MRPL22: variants seen among roughly 807,000 people sequenced by gnomAD.
MRPL22 encodes the protein large ribosomal subunit protein uL22m.
MRPL22 carries 27 observed loss-of-function variants against 32.4 expected under a neutral mutation model. The ratio of observed to expected loss-of-function variants is 0.83; its 90% CI spans 0.61 to 1.15. MRPL22 has a LOEUF of 1.15. Ranked by LOEUF, MRPL22 falls within the 50% of genes most tolerant of loss-of-function variation. The pLI, the probability that MRPL22 is intolerant of heterozygous loss-of-function variation, is 0.00. For synonymous variants in MRPL22, 86 were observed against 87.3 expected, an observed-to-expected ratio of 0.99 and a Z score of 0.08; for missense variants, 239 against 260.2, an observed-to-expected ratio of 0.92 and a Z score of 0.56.
chr5:154,944,779 C>G (rs1483005857), intron 2 of MRPL22, among the ~76,000 whole-genome samples: 1 of 152,142 alleles, frequency 6.6e-6, no homozygotes, highest in Non-Finnish European at 1.5e-5. Context: ...GGGAAGGCCT[C>G]ACTAAAAGAT....
chr5:154,945,943 G>A (rs1764484379), intron 2 of MRPL22, among the ~76,000 whole-genome samples: 1 of 152,124 alleles, frequency 6.6e-6, no homozygotes, highest in Non-Finnish European at 1.5e-5. Flanking sequence ...ACCCCATTTG[G>A]AATAATACTT....
intron 6 of MRPL22, 61 bp from the exon 7 acceptor site, chr5:154,966,625 C>G: frequency 6.4e-7 from 1 of 1,556,088 alleles, no homozygotes; most frequent in Non-Finnish European, 8.8e-7. Flanking sequence ...AGAAATTGCT[C>G]AGCTGATCAG....
chr5:154,964,361 A>G (rs961904964), intron 6 of MRPL22, among the ~76,000 whole-genome samples: 10 of 152,156 alleles, frequency 6.6e-5, no homozygotes, highest in African/African-American at 2.4e-4. Flanking sequence ...AGTGTTATAT[A>G]TATCAGGCTT....
chr5:154,941,161 G>C lies in MRPL22; in HGVS notation c.28+23G>C, dbSNP rs887409352. ...TGGGTAAGGATTTCTTAGTGGTTAA[G>C]CGACAGAAGGGAGTCGAGATGGAAT... On this transcript the variant is annotated intron_variant, in intron 1 of 6. Transcript: ENST00000523037. The C allele has an allele frequency of 1.2e-5, 19 of 1,614,048 alleles. 1 individual carries two copies. Among genetic ancestry groups the C allele is most frequent in the Admixed American group, 1.7e-5 (1 of 60,000 alleles).
At position 154,966,730 on chromosome 5, in the gene MRPL22, T is replaced by C. The variant is rs1475620765; in HGVS notation, c.454T>C (p.Tyr152His). The C allele has an allele frequency of 2.5e-6, 4 of 1,614,102 alleles. No individual in the cohort carries two copies. The highest frequency in any genetic ancestry group is 3.4e-6 in the Non-Finnish European group (4 of 1,180,048). Reference sequence around the variant, plus strand: ...AGGCCAGTGCCTGAAACGCATCCGCTACCATGGCAGAGGTCGCTTTGGGAT... The same window carrying C: ...AGGCCAGTGCCTGAAACGCATCCGCCACCATGGCAGAGGTCGCTTTGGGAT... Reference protein sequence around the residue: ...GRGQCLKRIRYHGRGRFGIME... With the variant: ...GRGQCLKRIRHHGRGRFGIME... Residue 152 changes from tyrosine to histidine, a missense_variant, in exon 7 of 7, where the codon TAC (tyrosine) becomes CAC (histidine). Coordinates refer to ENST00000523037, the MANE Select transcript of MRPL22 (RefSeq NM_014180.4).
intron 3 of MRPL22, among the ~76,000 whole-genome samples, chr5:154,952,132 C>T (rs965153943): frequency 2.6e-5 from 4 of 152,228 alleles, no homozygotes; most frequent in African/African-American, 4.8e-5. Context: ...CCGCCTGCCT[C>T]GGCCTCCCAA....
chr5:154,952,095 A>G (rs994061920), intron 3 of MRPL22, among the ~76,000 whole-genome samples: 2 of 151,944 alleles, frequency 1.3e-5, no homozygotes, highest in Non-Finnish European at 2.9e-5. Context: ...GTTAGCCAGG[A>G]TGGTCTCGAT....
At chr5:154,947,046 A>C (rs1764501391) in intron 2 of MRPL22, among the ~76,000 whole-genome samples, 1 of 152,190 alleles carries the variant, frequency 6.6e-6, no homozygotes, top group South Asian at 2.1e-4. Context: ...ATCCATCAAC[A>C]GTATTAAGTA....
Position 154,956,318 on chromosome 5 carries a change from T to G in MRPL22, c.196-53T>G. On this transcript the variant is annotated intron_variant, in intron 3 of 6. Transcript: ENST00000523037. ...ATAACAGTATATGTTATTGTCATTT[T>G]GTGGTAAACCTGCTAACATTTTCTT... 4 of 1,277,616 alleles carry G rather than the reference T, an allele frequency of 3.1e-6. No individual in the cohort carries two copies. In the South Asian group the frequency reaches 4.9e-5, roughly 16 times the overall value. 79.1% of individuals were successfully genotyped at this position (1,277,616 alleles called of 1,614,324 possible). A position where few individuals can be genotyped will look rare whatever the true frequency, so the allele number is the denominator to read the frequency against.
chr5:154,942,806 G>A (rs1200466380), intron 2 of MRPL22, among the ~76,000 whole-genome samples: 1 of 152,110 alleles, frequency 6.6e-6, no homozygotes, highest in African/African-American at 2.4e-5. Context: ...ATTTATTGTT[G>A]TACCTCCAGC....
At chr5:154,960,822 T>C (rs1003013478) in intron 6 of MRPL22, among the ~76,000 whole-genome samples, 2 of 152,198 alleles carry the variant, frequency 1.3e-5, no homozygotes, top group Non-Finnish European at 2.9e-5. Flanking sequence ...TTTTTCTCAC[T>C]ACAGCAATTA....
chr5:154,965,196 G>A lies in MRPL22; in HGVS notation c.410-1490G>A, dbSNP rs538113863. On this transcript the variant is annotated intron_variant, in intron 6 of 6. Coordinates refer to ENST00000523037, the MANE Select transcript of MRPL22 (RefSeq NM_014180.4). ...GATATCGTAGTTAGAGAGTTGTCAA[G>A]TGCATACTTTGGTATAGTCCCTATA... Among the ~76,000 whole-genome samples the A allele has an allele frequency of 2.1e-4, 32 of 152,294 alleles. No homozygotes were observed. The Middle Eastern group carries it at 0.02, about 97-fold the overall frequency.
intron 5 of MRPL22, among the ~76,000 whole-genome samples, chr5:154,957,521 TTGTG>T (rs1374474727): frequency 6.6e-6 from 1 of 152,112 alleles, no homozygotes; most frequent in Non-Finnish European, 1.5e-5. Context: ...ATGTGTGTAT[TTGTG>T]TGTATGTATG....
intron 3 of MRPL22, among the ~76,000 whole-genome samples, chr5:154,951,248 A>G (rs17116638): frequency 0.11 from 16,998 of 152,242 alleles, 1,118 homozygotes; most frequent in African/African-American, 0.18. Flanking sequence ...AGTTGGCAAG[A>G]ATGACTTAAA....
rs1382383884 is a variant in MRPL22, at chr5:154,960,059, T to G, written c.409+10T>G. On this transcript the variant is annotated intron_variant, in intron 6 of 6. Transcript: ENST00000523037. ...TCCAATTTATATATAGGTAAGATTT[T>G]TAATATTCTTAGCATTAGAAAATGT... 2.5e-6 allele frequency: 4 copies of G among 1,568,884 alleles called. No homozygotes were observed. Among genetic ancestry groups the G allele is most frequent in the African/African-American group, 1.4e-5 (1 of 73,876 alleles).
At chr5:154,964,171 A>G (rs1764738490) in intron 6 of MRPL22, among the ~76,000 whole-genome samples, 1 of 152,170 alleles carries the variant, frequency 6.6e-6, no homozygotes, top group Non-Finnish European at 1.5e-5. Flanking sequence ...TAGTTTTGAA[A>G]TTGTGCTCTG....
chr5:154,954,336 G>A (rs1764604165), intron 3 of MRPL22, among the ~76,000 whole-genome samples: 1 of 152,068 alleles, frequency 6.6e-6, no homozygotes, highest in South Asian at 2.1e-4. Context: ...ATTATTATAT[G>A]CATTTAAAAA....
In MRPL22 at chr5:154,950,948, TGGGTAGAAC is replaced by T. The variant is rs763033098; in HGVS notation, c.195+11_195+19del. 34 of 1,505,740 alleles carry T rather than the reference TGGGTAGAAC, an allele frequency of 2.3e-5. No homozygotes were observed. Among genetic ancestry groups the T allele is most frequent in the Non-Finnish European group, 2.9e-5 (31 of 1,084,078 alleles). The allele number at this position is 1,505,740 out of a possible 1,614,324, so 93.3% of individuals were successfully genotyped here. A position where few individuals can be genotyped will look rare whatever the true frequency, so the allele number is the denominator to read the frequency against. On this transcript the variant is annotated intron_variant, in intron 3 of 6. Transcript: ENST00000523037. Reference sequence around the variant, plus strand: ...ACCTCGGAGACCAGCAGTAAGTTCGTGGGTAGAACTAATCTCTTAATTGTGGTAGTGCTC... The same window carrying T: ...ACCTCGGAGACCAGCAGTAAGTTCGTTAATCTCTTAATTGTGGTAGTGCTC...
In MRPL22 at chr5:154,967,976, G is replaced by A. The variant is rs1764791078; in HGVS notation, c.*1079G>A. ...TGAAAAAATGTAGTTTTATTGCCAT[G>A]TTTTAAGATGGCATTAATAATAGTT... On this transcript the variant is annotated 3_prime_UTR_variant, in exon 7 of 7. Coordinates refer to ENST00000523037, the MANE Select transcript of MRPL22 (RefSeq NM_014180.4). The surrounding 1 kb of genome is among the most constrained non-coding windows in gnomAD (Gnocchi z 4.7). The A allele has an allele frequency of 6.6e-6, 1 of 152,158 alleles. No individual in the cohort carries two copies. The highest frequency in any genetic ancestry group is 2.1e-4 in the South Asian group (1 of 4,832). The allele number at this position is 152,158 out of a possible 1,614,324, so 9.4% of individuals were successfully genotyped here.
Sources: allele counts gnomAD v4.1 joint callset (sites outside exome capture counted in the v4.1 genomes callset), GRCh38; gene constraint gnomAD v4.1.1; non-coding constraint Gnocchi (gnomAD v3.1); transcripts MANE v1.5; gene names NCBI Gene and HGNC (gene_info 2026-07-23, HGNC 2026-07-21).